ZNF507: variants seen among roughly 807,000 people sequenced by gnomAD.
ZNF507 encodes the protein zinc finger protein 507.
A neutral mutation model predicts 80.0 loss-of-function variants in ZNF507; 29 were observed. That is an observed-to-expected ratio of 0.36 (90% CI 0.27 to 0.49). The LOEUF is 0.49. Ranked by LOEUF, ZNF507 falls within the 20% of genes least tolerant of loss-of-function variation. The probability of loss-of-function intolerance (pLI) is 0.98; values close to 1 mark genes in which losing one functional copy is unlikely to be tolerated. For missense variants in ZNF507, 1,081 were observed against 1,152.2 expected, an observed-to-expected ratio of 0.94 and a Z score of 0.90; for synonymous variants, 462 against 422.5, an observed-to-expected ratio of 1.09 and a Z score of -1.15.
chr19:32,353,008 T>A lies in ZNF507; in HGVS notation c.178T>A (p.Ser60Thr), dbSNP rs1416950945. 6 of 1,613,864 alleles carry A rather than the reference T, an allele frequency of 3.7e-6. No homozygotes were observed. The highest frequency in any genetic ancestry group is 5.1e-6 in the Non-Finnish European group (6 of 1,179,984). ...KLSKIVENEK[S>T]QKCLLIGKKR... ...AAGCAAGATAGTGGAAAATGAAAAG[T>A]CACAAAAATGTCTTTTAATTGGGAA... Residue 60 changes from serine (S) to threonine (T), a missense_variant, in exon 3 of 7, where the codon TCA becomes ACA. Ser to Thr is a moderately conservative substitution (Grantham distance 58). Transcript: ENST00000355898.
chr19:32,372,854 G>A (rs919983204), intron 5 of ZNF507, among the ~76,000 whole-genome samples: 1 of 152,174 alleles, frequency 6.6e-6, no homozygotes, highest in Non-Finnish European at 1.5e-5. Flanking sequence ...TTGACAAACA[G>A]ACCATATCTA....
intron 5 of ZNF507, chr19:32,380,727 G>C: frequency 9.4e-7 from 1 of 1,067,066 alleles, no homozygotes; most frequent in Non-Finnish European, 1.4e-6. Context: ...TTTACAATAC[G>C]ACCCAGCAAT....
At chr19:32,349,692 T>C (rs1967138312) in intron 2 of ZNF507, among the ~76,000 whole-genome samples, 8 of 152,244 alleles carry the variant, frequency 5.3e-5, no homozygotes, top group Admixed American at 5.2e-4. Flanking sequence ...ATAAAATTTC[T>C]GTGATTTTAA....
At chr19:32,379,818 C>T (rs901447799) in intron 5 of ZNF507, among the ~76,000 whole-genome samples, 4 of 151,154 alleles carry the variant, frequency 2.6e-5, no homozygotes, top group Middle Eastern at 3.4e-3. Context: ...TTGTAACATT[C>T]CACTATATGA....
intron 2 of ZNF507, among the ~76,000 whole-genome samples, chr19:32,349,899 C>T (rs900972566): frequency 3.9e-5 from 6 of 152,152 alleles, no homozygotes; most frequent in Non-Finnish European, 7.4e-5. Flanking sequence ...TCCTATCCAC[C>T]CCACCACTGC....
At position 32,354,653 on chromosome 19, in the gene ZNF507, T is replaced by C. The variant is rs1425628437; in HGVS notation, c.1823T>C (p.Leu608Ser). The C allele has an allele frequency of 6.2e-7, 1 of 1,614,154 alleles. No homozygotes were observed. Among genetic ancestry groups the C allele is most frequent in the Admixed American group, 1.7e-5 (1 of 60,020 alleles). Residue 608 changes from leucine to serine, a missense_variant, in exon 3 of 7, where the codon TTG (leucine) becomes TCG (serine). Leu to Ser is a moderately radical substitution (Grantham distance 145). Around this residue, in one of 6 missense-constraint regions of ZNF507, gnomAD observed 614 missense variants for 583.9 expected, o/e 1.05. Coordinates refer to ENST00000355898, the MANE Select transcript of ZNF507 (RefSeq NM_001136156.2). Reference sequence around the variant, plus strand: ...CAAAACGCTTCAGACGATGACATTTTGAAAGAGTTGCAGGACAACGCCCAG... The same window carrying C: ...CAAAACGCTTCAGACGATGACATTTCGAAAGAGTTGCAGGACAACGCCCAG... ...TDQNASDDDI[L>S]KELQDNAQCQ...
At chr19:32,377,055 A>T (rs1412844942) in intron 5 of ZNF507, among the ~76,000 whole-genome samples, 2 of 152,196 alleles carry the variant, frequency 1.3e-5, no homozygotes, top group African/African-American at 2.4e-5. Context: ...GAGCGTGGCC[A>T]CTGAAGCACA....
chr19:32,354,954 T>C lies in ZNF507; in HGVS notation c.2124T>C (p.Tyr708=), dbSNP rs746760939. 1.2e-6 allele frequency: 2 copies of C among 1,600,076 alleles called. No individual in the cohort carries two copies. The highest frequency in any genetic ancestry group is 1.3e-5 in the African/African-American group (1 of 74,706). Residue 708 remains tyrosine, a synonymous_variant, in exon 3 of 7, where the codon TAT becomes TAC. Coordinates refer to ENST00000355898, the MANE Select transcript of ZNF507 (RefSeq NM_001136156.2). ...QCKQCEESFH[Y]KSQLRNHERE... Reference sequence around the variant, plus strand: ...AGCAGTGTGAAGAATCCTTCCATTATAAGGTAAGCATTGGTTCAGGAAGTC... The same window carrying C: ...AGCAGTGTGAAGAATCCTTCCATTACAAGGTAAGCATTGGTTCAGGAAGTC...
Position 32,367,164 on chromosome 19 carries a change from T to A in ZNF507, c.2360+6546T>A, listed in dbSNP as rs1462534929. Among the ~76,000 whole-genome samples, 3 of 152,128 alleles carry A rather than the reference T, an allele frequency of 2.0e-5. No homozygotes were observed. In the East Asian group the frequency reaches 5.8e-4, roughly 29 times the overall value. On this transcript the variant is annotated intron_variant, in intron 5 of 6. Coordinates refer to ENST00000355898, the MANE Select transcript of ZNF507 (RefSeq NM_001136156.2). ...AGCAGATATGTCACATTGTGAGACA[T>A]GGAGCAAGAGAGAGGGGAGGAGGTA...
At chr19:32,377,348 C>T (rs1340046253) in intron 5 of ZNF507, among the ~76,000 whole-genome samples, 2 of 152,178 alleles carry the variant, frequency 1.3e-5, no homozygotes, top group Non-Finnish European at 2.9e-5. Flanking sequence ...GGCTCGCACT[C>T]TTGTCTTCTG....
intron 3 of ZNF507, among the ~76,000 whole-genome samples, chr19:32,356,356 T>G (rs1173815564): frequency 6.6e-6 from 1 of 152,222 alleles, no homozygotes; most frequent in Admixed American, 6.5e-5. Flanking sequence ...GGACACGCCC[T>G]GTGTAATCAC....
At chr19:32,380,733 G>A in intron 5 of ZNF507, 5 of 980,726 alleles carry the variant, frequency 5.1e-6, no homozygotes, top group Non-Finnish European at 7.8e-6. Context: ...ATACGACCCA[G>A]CAATTATGCT....
chr19:32,385,457 A>G lies in ZNF507; in HGVS notation c.*2374A>G, dbSNP rs1228903491. On this transcript the variant is annotated 3_prime_UTR_variant, in exon 7 of 7. Coordinates refer to ENST00000355898, the MANE Select transcript of ZNF507 (RefSeq NM_001136156.2). ...GTTAACAATGTGTCTACCAAGAACA[A>G]TTGAGTTTTCTAAAAGTAATAATGA... The G allele has an allele frequency of 6.6e-6, 1 of 152,226 alleles. No individual in the cohort carries two copies. Among genetic ancestry groups the G allele is most frequent in the Non-Finnish European group, 1.5e-5 (1 of 68,044 alleles). The allele number at this position is 152,226 out of a possible 1,614,324, so 9.4% of individuals were successfully genotyped here.
chr19:32,362,028 C>T, intron 5 of ZNF507, among the ~76,000 whole-genome samples: 1 of 152,108 alleles, frequency 6.6e-6, no homozygotes, highest in Non-Finnish European at 1.5e-5. Flanking sequence ...AAGTGATTCT[C>T]ATGCCTCAGC....
intron 5 of ZNF507, among the ~76,000 whole-genome samples, chr19:32,377,272 TCC>T (rs1967562809): frequency 6.6e-6 from 1 of 152,146 alleles, no homozygotes; most frequent in Non-Finnish European, 1.5e-5. Context: ...ATGGGCATCT[TCC>T]CAGATGCTGG....
rs886138901 is a variant in ZNF507, at chr19:32,386,969, A to T, written c.*3886A>T. 3.9e-5 allele frequency: 6 copies of T among 152,304 alleles called. No homozygotes were observed. The highest frequency in any genetic ancestry group is 3.9e-4 in the Admixed American group (6 of 15,284). The allele number at this position is 152,304 out of a possible 1,614,324, so 9.4% of individuals were successfully genotyped here. Reference sequence around the variant, plus strand: ...GCTTCCCAAGAGTTAAATGAAGGTTATGATGACTCTTGATAACTTGTTAAT... The same window carrying T: ...GCTTCCCAAGAGTTAAATGAAGGTTTTGATGACTCTTGATAACTTGTTAAT... On this transcript the variant is annotated 3_prime_UTR_variant, in exon 7 of 7. Transcript: ENST00000355898.
At chr19:32,362,175 A>C (rs1402807724) in intron 5 of ZNF507, among the ~76,000 whole-genome samples, 1 of 152,206 alleles carries the variant, frequency 6.6e-6, no homozygotes, top group Admixed American at 6.5e-5. Flanking sequence ...TGGTTACACC[A>C]TGTCCAATCA....
intron 5 of ZNF507, among the ~76,000 whole-genome samples, chr19:32,368,630 T>C (rs1216285435): frequency 6.6e-6 from 1 of 152,176 alleles, no homozygotes; most frequent in Admixed American, 6.5e-5. Context: ...TCAATTTGTT[T>C]AAGGAAAATA....
intron 5 of ZNF507, among the ~76,000 whole-genome samples, chr19:32,366,514 G>T (rs1285910407): frequency 6.6e-6 from 1 of 152,134 alleles, no homozygotes; most frequent in Non-Finnish European, 1.5e-5. Context: ...GTGTGTGTAT[G>T]TGTGTGTCTG....
Sources: gnomAD v4.1 joint callset for allele counts (sites outside exome capture counted in the v4.1 genomes callset) on GRCh38, gnomAD v4.1.1 for gene constraint, gnomAD v4.1.1 regional missense constraint, MANE v1.5 for transcripts, NCBI Gene and HGNC (gene_info 2026-07-23, HGNC 2026-07-21) for gene names.